CNGA3: variants seen among roughly 807,000 people sequenced by gnomAD.
The protein encoded by CNGA3 is cyclic nucleotide-gated channel alpha-3.
A neutral mutation model predicts 46.6 loss-of-function variants in CNGA3; 42 were observed. The ratio of observed to expected loss-of-function variants is 0.90; its 90% CI spans 0.70 to 1.17. The LOEUF (loss-of-function observed/expected upper bound fraction) is 1.17, where lower values mean the gene tolerates loss of function less well. Ranked by LOEUF, CNGA3 falls within the 50% of genes most tolerant of loss-of-function variation. The pLI is 0.00. For missense variants in CNGA3, 893 were observed against 890.7 expected (o/e 1.00, Z -0.03); for synonymous variants, 394 against 369.4 (o/e 1.07, Z -0.76).
intron 5 of CNGA3, among the ~76,000 whole-genome samples, chr2:98,384,175 A>T (rs1376868575): frequency 6.6e-6 from 1 of 152,190 alleles, no homozygotes; most frequent in Non-Finnish European, 1.5e-5. Flanking sequence ...GGCATGAGCC[A>T]CTGCGCCTCG....
At chr2:98,376,480 G>A (rs1692408627) in intron 2 of CNGA3, among the ~76,000 whole-genome samples, 1 of 152,142 alleles carries the variant, frequency 6.6e-6, no homozygotes. Flanking sequence ...GGCTGAGAGA[G>A]GGAAGAATCT....
intron 1 of CNGA3, among the ~76,000 whole-genome samples, chr2:98,354,234 G>T (rs1479170295): frequency 6.6e-6 from 1 of 151,876 alleles, no homozygotes; most frequent in Non-Finnish European, 1.5e-5. Context: ...TATTGTTTTG[G>T]TTTTTTTCAA....
rs112685003 is a variant in CNGA3 at position 98,383,237 on chromosome 2, A to G, written c.396-151A>G. On this transcript the variant is annotated intron_variant, in intron 4 of 7. Coordinates refer to ENST00000272602, the MANE Select transcript of CNGA3 (RefSeq NM_001298.3). ...ATCACAAAGCATTTTGGCCTTGACA[A>G]TACCACCCCGTATTCTTCAAGCTGT... 4 of 769,006 alleles carry G rather than the reference A, an allele frequency of 5.2e-6. No homozygotes were observed. In the South Asian group the frequency reaches 6.0e-5, roughly 11 times the overall value. The allele number at this position is 769,006 out of a possible 1,614,324, so 47.6% of individuals were successfully genotyped here. A position where few individuals can be genotyped will look rare whatever the true frequency, so the allele number is the denominator to read the frequency against.
In CNGA3 at chr2:98,393,324, A is replaced by G. The variant is rs578064997; in HGVS notation, c.673+1354A>G. Among the ~76,000 whole-genome samples, 6 of 152,362 alleles carry G rather than the reference A, an allele frequency of 3.9e-5. No individual in the cohort carries two copies. In the East Asian group the frequency reaches 1.2e-3, roughly 29 times the overall value. On this transcript the variant is annotated intron_variant, in intron 7 of 7. Transcript: ENST00000272602. ...CCGACCTCCGTGTGGCTCCACGTAC[A>G]ATACATTTCAAGTGCGTCTTGCTTC...
At position 98,397,306 on chromosome 2, in the gene CNGA3, T is replaced by A; in HGVS notation, c.*51T>A. 6.4e-7 allele frequency: 1 copy of A among 1,573,782 alleles called. No homozygotes were observed. Among genetic ancestry groups the A allele is most frequent in the Non-Finnish European group, 8.7e-7 (1 of 1,148,356 alleles). On this transcript the variant is annotated 3_prime_UTR_variant, in exon 8 of 8. Transcript: ENST00000272602. ...ACAGGGTCGACTGTCAGGGTGACCG[T>A]ATGTGGCCGCAGCTGTGTGGCATGG...
chr2:98,377,241 G>A (rs1005752355), intron 2 of CNGA3: 23 of 180,730 alleles, frequency 1.3e-4, no homozygotes, highest in South Asian at 3.7e-4. Context: ...CAGTGGGAAG[G>A]GAGGCTCAGA....
chr2:98,349,282 T>A (rs1240733108), intron 1 of CNGA3, among the ~76,000 whole-genome samples: 2 of 151,306 alleles, frequency 1.3e-5, no homozygotes, highest in African/African-American at 2.4e-5. Context: ...AAAAACCAAA[T>A]GTACAATACA....
intron 1 of CNGA3, among the ~76,000 whole-genome samples, chr2:98,361,373 T>C (rs1692029250): frequency 2.0e-5 from 3 of 152,238 alleles, no homozygotes; most frequent in Non-Finnish European, 4.4e-5. Context: ...TTCCTTTTTA[T>C]GGCTGCATAG....
chr2:98,362,173 CTTTTT>C (rs1231791527), intron 1 of CNGA3, among the ~76,000 whole-genome samples: 11 of 89,832 alleles, frequency 1.2e-4, no homozygotes, highest in Non-Finnish European at 1.8e-4. Flanking sequence ...CCTTTGCCCA[CTTTTT>C]TTTTTTTTTT....
intron 1 of CNGA3, among the ~76,000 whole-genome samples, chr2:98,353,076 ATTAC>A (rs1207680395): frequency 1.3e-5 from 2 of 152,222 alleles, no homozygotes; most frequent in African/African-American, 4.8e-5. Context: ...AGTTCTATGT[ATTAC>A]AGGCTGTATT....
intron 5 of CNGA3, among the ~76,000 whole-genome samples, chr2:98,387,936 T>C (rs1378749628): frequency 2.0e-5 from 3 of 152,174 alleles, no homozygotes; most frequent in African/African-American, 7.2e-5. Context: ...TATGTCGTAC[T>C]ACCTCAAAAC....
intron 1 of CNGA3, among the ~76,000 whole-genome samples, chr2:98,357,721 G>A (rs6542732): frequency 0.048 from 7,355 of 152,282 alleles, 207 homozygotes; most frequent in African/African-American, 0.072. Context: ...GAAATGGCAT[G>A]TTCTTAGCTC....
intron 3 of CNGA3, among the ~76,000 whole-genome samples, chr2:98,378,393 G>A (rs1692461830): frequency 1.3e-5 from 2 of 152,132 alleles, no homozygotes; most frequent in South Asian, 4.1e-4. Flanking sequence ...CCCCACAGGT[G>A]GCTTGAAAGC....
intron 7 of CNGA3, among the ~76,000 whole-genome samples, chr2:98,395,054 C>G (rs944985410): frequency 6.6e-6 from 1 of 152,114 alleles, no homozygotes; most frequent in Non-Finnish European, 1.5e-5. Context: ...TCCTCAAAAC[C>G]CTCTTTGGAA....
intron 6 of CNGA3, 25 bp from the exon 7 acceptor site, chr2:98,391,839 T>C (rs1277681431): frequency 1.9e-6 from 3 of 1,610,498 alleles, no homozygotes; most frequent in Admixed American, 1.7e-5. Flanking sequence ...CGCACAGCCA[T>C]CCATCTCCCA....
intron 4 of CNGA3, among the ~76,000 whole-genome samples, chr2:98,381,552 T>A (rs1189953746): frequency 6.6e-6 from 1 of 152,130 alleles, no homozygotes; most frequent in East Asian, 1.9e-4. Context: ...ATGTCATAGA[T>A]GATGCAGGGG....
chr2:98,390,053 G>A (rs975153221), intron 6 of CNGA3, among the ~76,000 whole-genome samples: 1 of 152,188 alleles, frequency 6.6e-6, no homozygotes, highest in Non-Finnish European at 1.5e-5. Flanking sequence ...GAGGATGCAG[G>A]GGCGGTTGCT....
At chr2:98,360,023 G>T (rs939817929) in intron 1 of CNGA3, among the ~76,000 whole-genome samples, 1 of 152,236 alleles carries the variant, frequency 6.6e-6, no homozygotes. Flanking sequence ...CCAGCATGGG[G>T]TCCTTTAAAG....
At position 98,391,856 on chromosome 2, in the gene CNGA3, T is replaced by C; in HGVS notation, c.567-8T>C. On this transcript the variant is annotated splice_region_variant and splice_polypyrimidine_tract_variant and intron_variant, in intron 6 of 7. Transcript: ENST00000272602. ...CACAGCCATCCATCTCCCACATGGC[T>C]TCTTTAGGGCCTGTTTCGATGAGCT... 1 of 1,614,024 alleles carries C rather than the reference T, an allele frequency of 6.2e-7. No homozygotes were observed. The highest frequency in any genetic ancestry group is 8.5e-7 in the Non-Finnish European group (1 of 1,179,904).
Sources: allele counts gnomAD v4.1 joint callset (sites outside exome capture counted in the v4.1 genomes callset), GRCh38; gene constraint gnomAD v4.1.1; transcripts MANE v1.5; gene names NCBI Gene and HGNC (gene_info 2026-07-23, HGNC 2026-07-21).